Variants in RASA1 observed in about 807,000 individuals in gnomAD.
RASA1 encodes ras GTPase-activating protein 1.
A neutral mutation model predicts 132.2 loss-of-function variants in RASA1; 25 were observed. The ratio of observed to expected loss-of-function variants is 0.19; its 90% CI spans 0.14 to 0.26. RASA1 has a LOEUF of 0.26. Ranked by LOEUF, RASA1 falls within the 10% of genes least tolerant of loss-of-function variation. The pLI, the probability that RASA1 is intolerant of heterozygous loss-of-function variation, is 1.00. For synonymous variants in RASA1, 477 were observed against 449.9 expected (o/e 1.06, Z -0.76); for missense variants, 964 against 1,299.2 (o/e 0.74, Z 3.97).
intron 1 of RASA1, among the ~76,000 whole-genome samples, chr5:87,279,879 A>G (rs1754235492): frequency 6.6e-6 from 1 of 152,334 alleles, no homozygotes; most frequent in African/African-American, 2.4e-5. Flanking sequence ...AAGCTAGCCA[A>G]TGAAAAAAGC....
At chr5:87,293,985 G>A (rs1012737327) in intron 1 of RASA1, among the ~76,000 whole-genome samples, 1 of 151,800 alleles carries the variant, frequency 6.6e-6, no homozygotes, top group Admixed American at 6.6e-5. Flanking sequence ...CTGGCTAGAG[G>A]CTTATCAGTT....
intron 1 of RASA1, among the ~76,000 whole-genome samples, chr5:87,329,281 C>CAAAAAAAAAAAAAAA (rs571157213): frequency 6.1e-4 from 73 of 119,114 alleles, no homozygotes; most frequent in East Asian, 3.3e-3. Flanking sequence ...TCTGTCTCTC[C>CAAAAAAAAAAAAAAA]AAAAAAAAAA....
intron 1 of RASA1, among the ~76,000 whole-genome samples, chr5:87,314,781 T>C (rs1006182047): frequency 6.6e-6 from 1 of 152,172 alleles, no homozygotes; most frequent in African/African-American, 2.4e-5. Flanking sequence ...AGTTGAGATA[T>C]CCAGATTGAA....
intron 4 of RASA1, among the ~76,000 whole-genome samples, chr5:87,336,709 A>G (rs1423725480): frequency 2.0e-5 from 3 of 152,122 alleles, no homozygotes; most frequent in African/African-American, 7.2e-5. Context: ...AATGAAATTT[A>G]CCAGTTCATG....
intron 1 of RASA1, among the ~76,000 whole-genome samples, chr5:87,327,766 A>C (rs1580271056): frequency 6.6e-6 from 1 of 152,104 alleles, no homozygotes; most frequent in Non-Finnish European, 1.5e-5. Flanking sequence ...GTAGCTCGGG[A>C]CCAGCCTGGC....
chr5:87,353,223 T>A lies in RASA1; in HGVS notation c.1320T>A (p.Pro440=), dbSNP rs758200534. 1.9e-6 allele frequency: 3 copies of A among 1,606,296 alleles called. No individual in the cohort carries two copies. The South Asian group carries it at 3.3e-5, about 18-fold the overall frequency. ...QIVEGYYLKE[P]VPMQDQEQVL... Reference sequence around the variant, plus strand: ...TTGAAGGATATTATCTTAAGGAACCTGTACCAATGCAGGTCAGTGTTGCAT... The same window carrying A: ...TTGAAGGATATTATCTTAAGGAACCAGTACCAATGCAGGTCAGTGTTGCAT... Residue 440 remains proline (P), a synonymous_variant, in exon 9 of 25, where the codon CCT becomes CCA. Coordinates refer to ENST00000274376, the MANE Select transcript of RASA1 (RefSeq NM_002890.3).
chr5:87,290,605 T>C (rs1198930647), intron 1 of RASA1, among the ~76,000 whole-genome samples: 1 of 152,208 alleles, frequency 6.6e-6, no homozygotes, highest in African/African-American at 2.4e-5. Flanking sequence ...TCATACAAAA[T>C]AGTTTCATTG....
intron 9 of RASA1, among the ~76,000 whole-genome samples, chr5:87,358,952 C>T (rs929506257): frequency 7.3e-5 from 9 of 123,956 alleles, no homozygotes; most frequent in African/African-American, 2.7e-4. Context: ...TAGCAAATGA[C>T]ACTTTACCTA....
In RASA1 at chr5:87,287,192, C is replaced by T. The variant is rs767028587; in HGVS notation, c.539+18202C>T. On this transcript the variant is annotated intron_variant, in intron 1 of 24. Coordinates refer to ENST00000274376, the MANE Select transcript of RASA1 (RefSeq NM_002890.3). ...ATACACACCATATATATATACACAC[C>T]GTATATACACACCATATATATACAC... Among the ~76,000 whole-genome samples the T allele has an allele frequency of 8.0e-5, 11 of 137,616 alleles. No individual in the cohort carries two copies. In the South Asian group the frequency reaches 9.3e-4, roughly 12 times the overall value. 90.3% of individuals were successfully genotyped at this position (137,616 alleles called of 152,430 possible).
chr5:87,348,311 T>G (rs1005481242), intron 7 of RASA1, among the ~76,000 whole-genome samples: 11 of 151,994 alleles, frequency 7.2e-5, no homozygotes, highest in African/African-American at 2.7e-4. Context: ...TCAAATTATA[T>G]CTAATAATCT....
intron 11 of RASA1, among the ~76,000 whole-genome samples, chr5:87,363,740 C>T (rs1760292463): frequency 6.6e-6 from 1 of 151,888 alleles, no homozygotes; most frequent in African/African-American, 2.4e-5. Flanking sequence ...ATGTTTTGTC[C>T]CTGCCCCAAC....
intron 22 of RASA1, 31 bp downstream of exon 22, chr5:87,385,420 T>C (rs1761997410): frequency 1.4e-6 from 2 of 1,481,328 alleles, no homozygotes; most frequent in African/African-American, 1.4e-5. Flanking sequence ...TAAAATGTAA[T>C]TTATGAATGC....
chr5:87,355,392 C>T (rs1759575718), intron 9 of RASA1, among the ~76,000 whole-genome samples: 1 of 152,182 alleles, frequency 6.6e-6, no homozygotes, highest in Non-Finnish European at 1.5e-5. Context: ...TGTGCCTGTG[C>T]TCTGTCAATG....
At chr5:87,375,850 G>GT (rs1050890068) in intron 15 of RASA1, among the ~76,000 whole-genome samples, 1 of 152,126 alleles carries the variant, frequency 6.6e-6, no homozygotes, top group Non-Finnish European at 1.5e-5. Context: ...TTATTCTGTA[G>GT]TTTTTTGTAG....
intron 9 of RASA1, among the ~76,000 whole-genome samples, chr5:87,356,238 G>T (rs1468314259): frequency 6.6e-6 from 1 of 152,088 alleles, no homozygotes; most frequent in African/African-American, 2.4e-5. Flanking sequence ...GTCAATTGAT[G>T]CAGCAGACTT....
At chr5:87,335,419 G>GTTT (rs34986349) in intron 4 of RASA1, among the ~76,000 whole-genome samples, 1,103 of 72,918 alleles carry the variant, frequency 0.015, 3 homozygotes, top group African/African-American at 0.019. Context: ...AAAGAATGAG[G>GTTT]TTTTTTTTTT....
Position 87,328,527 on chromosome 5 carries a change from C to T in RASA1, c.540-2821C>T, listed in dbSNP as rs552732240. Reference sequence around the variant, plus strand: ...AAAATTGAGTATTTTAGACAAATAACCACTCCCAAAGTGTTCACTCTTGGG... The same window carrying T: ...AAAATTGAGTATTTTAGACAAATAATCACTCCCAAAGTGTTCACTCTTGGG... On this transcript the variant is annotated intron_variant, in intron 1 of 24. Coordinates refer to ENST00000274376, the MANE Select transcript of RASA1 (RefSeq NM_002890.3). Among the ~76,000 whole-genome samples the T allele has an allele frequency of 5.9e-5, 9 of 152,164 alleles. No homozygotes were observed. In the East Asian group the frequency reaches 1.7e-3, roughly 29 times the overall value.
At chr5:87,348,684 C>T (rs376463889) in intron 7 of RASA1, among the ~76,000 whole-genome samples, 18 of 150,932 alleles carry the variant, frequency 1.2e-4, no homozygotes, top group African/African-American at 4.4e-4. Flanking sequence ...GTTGTCCAGG[C>T]TGGTATCAAA....
chr5:87,278,312 C>T lies in RASA1; in HGVS notation c.539+9322C>T, dbSNP rs557409293. ...CTGTAATCCCAGCACTTTGGGAGGC[C>T]GAGGTGGGTGGATCACAGGGTCAGG... On this transcript the variant is annotated intron_variant, in intron 1 of 24. Coordinates refer to ENST00000274376, the MANE Select transcript of RASA1 (RefSeq NM_002890.3). 9.9e-5 allele frequency among the ~76,000 whole-genome samples: 15 copies of T among 151,228 alleles called. 1 individual carries two copies. The highest frequency in any genetic ancestry group is 6.3e-4 in the South Asian group (3 of 4,782).
Sources: allele counts gnomAD v4.1 joint callset (sites outside exome capture counted in the v4.1 genomes callset), GRCh38; gene constraint gnomAD v4.1.1; transcripts MANE v1.5; gene names NCBI Gene and HGNC (gene_info 2026-07-23, HGNC 2026-07-21).